The following RALYL variants were observed in gnomAD, a reference collection of about 807,000 sequenced individuals.
The protein encoded by RALYL is RALY RNA binding protein like.
Under a neutral mutation model 35.1 loss-of-function variants are expected in RALYL, and 29 were observed. The observed-to-expected ratio is 0.83, with a 90% CI of 0.61 to 1.13. The LOEUF is 1.13. Ranked by LOEUF, RALYL falls within the 50% of genes most tolerant of loss-of-function variation. The pLI is 0.00. For synonymous variants in RALYL, 120 were observed against 127.6 expected (o/e 0.94, Z 0.40); for missense variants, 359 against 360.4 (o/e 1.00, Z 0.03).
Position 84,183,853 on chromosome 8 carries a change from T to C in RALYL, c.-595T>C, listed in dbSNP as rs571344082. The C allele has an allele frequency of 8.5e-5, 13 of 152,742 alleles. No individual in the cohort carries two copies. The highest frequency in any genetic ancestry group is 2.6e-4 in the African/African-American group (11 of 41,574). The allele number at this position is 152,742 out of a possible 1,614,324, so 9.5% of individuals were successfully genotyped here. ...CAAGTCCAGCAAAATGTGCAACTGG[T>C]TTTATGGAAAAAGCGATGTGAAGTA... On this transcript the variant is annotated 5_prime_UTR_variant, in exon 1 of 9. Transcript: ENST00000521268.
chr8:84,283,788 G>A (rs867399052), intron 1 of RALYL, among the ~76,000 whole-genome samples: 2 of 152,120 alleles, frequency 1.3e-5, no homozygotes, highest in Non-Finnish European at 2.9e-5. Context: ...GGGTGGGAAG[G>A]TAGCATATCT....
At position 84,754,167 on chromosome 8, in the gene RALYL, C is replaced by T. The variant is rs201689043; in HGVS notation, c.257-20412C>T. 2.6e-5 allele frequency among the ~76,000 whole-genome samples: 4 copies of T among 151,962 alleles called. No homozygotes were observed. In the South Asian group the frequency reaches 6.2e-4, roughly 24 times the overall value. ...AATTAGATCCCATTTGTCAATTTTGCCTTTTGTTGCCATTGCTTTTGGTGT... is the reference window on the plus strand; with the variant it reads ...AATTAGATCCCATTTGTCAATTTTGTCTTTTGTTGCCATTGCTTTTGGTGT... On this transcript the variant is annotated intron_variant, in intron 2 of 8. Coordinates refer to ENST00000521268, the MANE Select transcript of RALYL (RefSeq NM_173848.7).
intron 1 of RALYL, among the ~76,000 whole-genome samples, chr8:84,252,862 G>A (rs1015838150): frequency 2.0e-5 from 3 of 152,092 alleles, no homozygotes; most frequent in Non-Finnish European, 4.4e-5. Flanking sequence ...TTTGAATGTT[G>A]TGTCTGTGCC....
At chr8:84,604,766 A>C (rs759419593) in intron 2 of RALYL, among the ~76,000 whole-genome samples, 59 of 152,218 alleles carry the variant, frequency 3.9e-4, no homozygotes, top group Non-Finnish European at 7.6e-4. Flanking sequence ...TTACCAAGAG[A>C]AACTTAACTG....
At chr8:84,591,415 T>C (rs952738981) in intron 2 of RALYL, among the ~76,000 whole-genome samples, 1 of 152,094 alleles carries the variant, frequency 6.6e-6, no homozygotes, top group Non-Finnish European at 1.5e-5. Context: ...TGCCACCAGA[T>C]CTCAGGGGTA....
chr8:84,679,017 AC>A, intron 2 of RALYL: 1 of 345,308 alleles, frequency 2.9e-6, no homozygotes, highest in Admixed American at 3.2e-5. Context: ...TAGCCTGGCC[AC>A]CACCAGCACT....
At position 84,212,733 on chromosome 8, in the gene RALYL, TA is replaced by T. The variant is rs377399746; in HGVS notation, c.-24+28314del. ...AAGACTGATAATTTCAATATTTCCCTAAAAATATGCTCTATGAGTTTATGAA... is the reference window on the plus strand; with the variant it reads ...AAGACTGATAATTTCAATATTTCCCTAAAATATGCTCTATGAGTTTATGAA... On this transcript the variant is annotated intron_variant, in intron 1 of 8. Coordinates refer to ENST00000521268, the MANE Select transcript of RALYL (RefSeq NM_173848.7). Among the ~76,000 whole-genome samples the T allele has an allele frequency of 6.6e-3, 998 of 152,272 alleles. 3 individuals carry two copies. Among genetic ancestry groups the T allele is most frequent in the African/African-American group, 0.022 (925 of 41,566 alleles).
Position 84,552,403 on chromosome 8 carries a change from G to A in RALYL, c.256+22826G>A, listed in dbSNP as rs186455937. 3.7e-5 allele frequency among the ~76,000 whole-genome samples: 4 copies of A among 107,088 alleles called. No homozygotes were observed. The Admixed American group carries it at 5.6e-4, about 15-fold the overall frequency. 70.3% of individuals were successfully genotyped at this position (107,088 alleles called of 152,430 possible). On this transcript the variant is annotated intron_variant, in intron 2 of 8. Transcript: ENST00000521268. ...TTTTTTTTTTGAGAAAGCAGAGACA[G>A]CAAAGGTAGCTCTGTCAAACTGGTG...
intron 4 of RALYL, among the ~76,000 whole-genome samples, chr8:84,830,686 A>T (rs1168779600): frequency 9.9e-5 from 15 of 152,188 alleles, no homozygotes; most frequent in Non-Finnish European, 1.8e-4. Context: ...AAAAAGAATT[A>T]ATGAGGAAAA....
chr8:84,596,600 T>C (rs1814594979), intron 2 of RALYL, among the ~76,000 whole-genome samples: 1 of 152,132 alleles, frequency 6.6e-6, no homozygotes, highest in Non-Finnish European at 1.5e-5. Context: ...GATGAGTCTG[T>C]GGAAACAAGG....
intron 2 of RALYL, among the ~76,000 whole-genome samples, chr8:84,597,650 A>C (rs1564207703): frequency 6.6e-6 from 1 of 152,052 alleles, no homozygotes; most frequent in Non-Finnish European, 1.5e-5. Context: ...TGGTCCATAA[A>C]CCCCCAAAAA....
At chr8:84,446,425 A>C (rs992104642) in intron 1 of RALYL, among the ~76,000 whole-genome samples, 15 of 152,064 alleles carry the variant, frequency 9.9e-5, no homozygotes, top group African/African-American at 3.6e-4. Flanking sequence ...TCATGGATCT[A>C]GCTCTGGAAG....
intron 7 of RALYL, among the ~76,000 whole-genome samples, chr8:84,875,541 A>ATAAG (rs1840975120): frequency 9.2e-6 from 1 of 108,880 alleles, no homozygotes; most frequent in African/African-American, 5.9e-5. Flanking sequence ...TTTTAAAATA[A>ATAAG]TAAGACTTAG....
At chr8:84,624,031 TG>T (rs1822166524) in intron 2 of RALYL, among the ~76,000 whole-genome samples, 1 of 152,198 alleles carries the variant, frequency 6.6e-6, no homozygotes, top group Non-Finnish European at 1.5e-5. Context: ...AGAAAAGAGT[TG>T]AAGTTTTCAC....
At chr8:84,712,520 C>A (rs897685767) in intron 2 of RALYL, among the ~76,000 whole-genome samples, 1 of 152,060 alleles carries the variant, frequency 6.6e-6, no homozygotes, top group Non-Finnish European at 1.5e-5. Context: ...TTAACAATGC[C>A]CCACACATTC....
At chr8:84,585,821 G>T (rs1372667292) in intron 2 of RALYL, among the ~76,000 whole-genome samples, 1 of 152,130 alleles carries the variant, frequency 6.6e-6, no homozygotes, top group Non-Finnish European at 1.5e-5. Context: ...ATACACACAA[G>T]TAAATGGGTG....
intron 8 of RALYL, among the ~76,000 whole-genome samples, chr8:84,917,403 A>T (rs1429468706): frequency 6.6e-6 from 1 of 151,958 alleles, no homozygotes; most frequent in Admixed American, 6.6e-5. Context: ...CAATTTACCA[A>T]GAATCACTAT....
At chr8:84,644,529 G>A (rs984568410) in intron 2 of RALYL, among the ~76,000 whole-genome samples, 1 of 151,954 alleles carries the variant, frequency 6.6e-6, no homozygotes, top group African/African-American at 2.4e-5. Flanking sequence ...AAAAGAAAAG[G>A]TAGAACAGTG....
chr8:84,591,767 G>T (rs1243489586), intron 2 of RALYL, among the ~76,000 whole-genome samples: 1 of 152,156 alleles, frequency 6.6e-6, no homozygotes, highest in Non-Finnish European at 1.5e-5. Context: ...ACTGTGTGAT[G>T]ATGATGGGGA....
Sources: allele counts gnomAD v4.1 joint callset (sites outside exome capture counted in the v4.1 genomes callset), GRCh38; gene constraint gnomAD v4.1.1; transcripts MANE v1.5; gene names NCBI Gene and HGNC (gene_info 2026-07-23, HGNC 2026-07-21).